FRMPD4: variants seen among roughly 807,000 people sequenced by gnomAD.
FRMPD4 encodes the protein FERM and PDZ domain containing 4.
FRMPD4 carries 22 observed loss-of-function variants against 94.1 expected under a neutral mutation model. The ratio of observed to expected loss-of-function variants is 0.23; its 90% CI spans 0.17 to 0.33. The LOEUF is 0.33. Ranked by LOEUF, FRMPD4 falls within the 10% of genes least tolerant of loss-of-function variation. The pLI is 1.00. For synonymous variants in FRMPD4, 631 were observed against 548.6 expected (o/e 1.15, Z -2.10); for missense variants, 1,111 against 1,339.9 (o/e 0.83, Z 2.67).
chrX:12,330,325 A>G (rs1471359299), intron 1 of FRMPD4, among the ~76,000 whole-genome samples: 3 of 110,151 alleles, frequency 2.7e-5, no homozygotes, highest in Non-Finnish European at 5.7e-5. Flanking sequence ...AAGTAAGAGC[A>G]CCCTTTTATA....
At chrX:11,853,456 A>G (rs759326472) in intron 1 of FRMPD4, among the ~76,000 whole-genome samples, 1 of 111,002 alleles carries the variant, frequency 9.0e-6, no homozygotes, top group Non-Finnish European at 1.9e-5. Flanking sequence ...CCATTTTTTT[A>G]AAAAAAATTA....
At chrX:12,193,910 G>C (rs969738232) in intron 1 of FRMPD4, among the ~76,000 whole-genome samples, 2 of 107,531 alleles carry the variant, frequency 1.9e-5, no homozygotes, top group African/African-American at 6.8e-5. Context: ...CAAGGCAAGA[G>C]ATTGAAAAAC....
chrX:12,703,673 C>T (rs1310816311), intron 10 of FRMPD4, among the ~76,000 whole-genome samples: 2 of 111,951 alleles, frequency 1.8e-5, no homozygotes. Context: ...GTGAAATTGG[C>T]TCTTTGTAAA....
intron 1 of FRMPD4, among the ~76,000 whole-genome samples, chrX:12,363,594 C>T (rs961030297): frequency 8.9e-6 from 1 of 112,502 alleles, no homozygotes; most frequent in African/African-American, 3.2e-5. Context: ...ACCAGGCCAG[C>T]CACTCTTCAT....
At chrX:11,944,966 G>A (rs973311788) in intron 3 of FRMPD4, among the ~76,000 whole-genome samples, 1 of 112,157 alleles carries the variant, frequency 8.9e-6, no homozygotes, top group African/African-American at 3.2e-5. Flanking sequence ...TGTTATAGAA[G>A]CAACAGCTTT....
chrX:12,013,613 G>A (rs1179555651), intron 3 of FRMPD4, among the ~76,000 whole-genome samples: 1 of 112,857 alleles, frequency 8.9e-6, no homozygotes, highest in African/African-American at 3.2e-5. Flanking sequence ...TTCCCCTTCC[G>A]GAGACATTTA....
intron 2 of FRMPD4, among the ~76,000 whole-genome samples, chrX:11,870,730 A>G (rs948577421): frequency 3.6e-5 from 4 of 111,717 alleles, no homozygotes; most frequent in Admixed American, 2.8e-4. Context: ...TCACTCTTCA[A>G]TTGTGACCCA....
intron 1 of FRMPD4, among the ~76,000 whole-genome samples, chrX:12,140,443 A>G (rs907790652): frequency 1.8e-5 from 2 of 112,080 alleles, no homozygotes; most frequent in African/African-American, 6.5e-5. Flanking sequence ...TATTCTATTA[A>G]CTTCCTGCAT....
At chrX:12,445,858 G>C (rs1448011784) in intron 1 of FRMPD4, among the ~76,000 whole-genome samples, 1 of 113,112 alleles carries the variant, frequency 8.8e-6, no homozygotes, top group Non-Finnish European at 1.9e-5. Flanking sequence ...ACAGCCATGA[G>C]CCAGTTCAAC....
At chrX:11,986,738 C>G (rs986670607) in intron 3 of FRMPD4, among the ~76,000 whole-genome samples, 1 of 110,898 alleles carries the variant, frequency 9.0e-6, no homozygotes, top group African/African-American at 3.3e-5. Context: ...GGAGACATTA[C>G]AACTGATACT....
At chrX:12,122,142 T>C (rs982487370) in intron 3 of FRMPD4, among the ~76,000 whole-genome samples, 2 of 112,041 alleles carry the variant, frequency 1.8e-5, no homozygotes, top group African/African-American at 3.2e-5. Flanking sequence ...CACAAACATA[T>C]GTACTCTGGC....
At position 11,951,909 on chromosome X, in the gene FRMPD4, A is replaced by C. The variant is rs746540648; in HGVS notation, c.95+73891A>C. On this transcript the variant is annotated intron_variant, in intron 3 of 18. Transcript: ENST00000640291. Reference sequence around the variant, plus strand: ...AAATTAGCCTGGTGTGGTGGCACACACCTGTGGTTCCAACTACTCAGGAGG... The same window carrying C: ...AAATTAGCCTGGTGTGGTGGCACACCCCTGTGGTTCCAACTACTCAGGAGG... Among the ~76,000 whole-genome samples, 3 of 111,730 alleles carry C rather than the reference A, an allele frequency of 2.7e-5. No homozygotes were observed. In the East Asian group the frequency reaches 8.5e-4, roughly 32 times the overall value.
intron 1 of FRMPD4, among the ~76,000 whole-genome samples, chrX:12,345,131 AGGAT>A (rs372484963): frequency 0.24 from 23,051 of 97,417 alleles, 2,618 homozygotes; most frequent in Non-Finnish European, 0.3. Flanking sequence ...GACAAATGAA[AGGAT>A]GGATGGATGG....
Position 12,716,084 on chromosome X carries a change from G to C in FRMPD4, c.1625G>C (p.Gly542Ala). Residue 542 changes from glycine (G) to alanine (A), a missense_variant, in exon 15 of 17, where the codon GGG becomes GCG. This residue lies in a region of FRMPD4 where 192 missense variants were observed against 192.5 expected (regional missense o/e 1.00). Transcript: ENST00000675598. ...ATQETGPENK[G>A]KHNLLGPDWN... is the part of the protein sequence containing the mutation. ...TTCTCTTTAGGACCTGAAAACAAGG[G>C]GAAGCATAACCTCCTTGGCCCAGAT... 1 of 1,130,628 alleles carries C rather than the reference G, an allele frequency of 8.8e-7. No homozygotes were observed. Among genetic ancestry groups the C allele is most frequent in the Non-Finnish European group, 1.2e-6 (1 of 844,096 alleles). 93.2% of individuals were successfully genotyped at this position (1,130,628 alleles called of 1,213,427 possible). A position where few individuals can be genotyped will look rare whatever the true frequency, so the allele number is the denominator to read the frequency against.
chrX:12,528,343 CAG>C (rs1458878956), intron 2 of FRMPD4, among the ~76,000 whole-genome samples: 4 of 82,183 alleles, frequency 4.9e-5, no homozygotes, highest in African/African-American at 2.0e-4. Context: ...TTTTTGGAGA[CAG>C]AGTCTTGCTG....
intron 3 of FRMPD4, among the ~76,000 whole-genome samples, chrX:12,070,704 A>G (rs912498418): frequency 8.9e-6 from 1 of 112,243 alleles, no homozygotes; most frequent in Non-Finnish European, 1.9e-5. Context: ...GGGAAAAAAA[A>G]TAGTTCCAAT....
At position 12,138,611 on chromosome X, in the gene FRMPD4, G is replaced by A. The variant is rs1222713111; in HGVS notation, c.-361G>A. On this transcript the variant is annotated 5_prime_UTR_variant, in exon 1 of 17. Coordinates refer to ENST00000675598, the MANE Select transcript of FRMPD4 (RefSeq NM_001368397.1). ...GAGCAGCGCCTCTCGCCCAGGCCTC[G>A]CTTTCTCTGGACGCCCGGCAGTCCC... 1.4e-5 allele frequency: 4 copies of A among 284,015 alleles called. No individual in the cohort carries two copies. The highest frequency in any genetic ancestry group is 1.9e-5 in the Non-Finnish European group (3 of 161,855). 23.4% of individuals were successfully genotyped at this position (284,015 alleles called of 1,213,427 possible). A position where few individuals can be genotyped will look rare whatever the true frequency, so the allele number is the denominator to read the frequency against.
chrX:12,172,625 A>G (rs1754682195), intron 1 of FRMPD4, among the ~76,000 whole-genome samples: 2 of 111,624 alleles, frequency 1.8e-5, no homozygotes, highest in African/African-American at 6.5e-5. Context: ...TGCTGTTCCA[A>G]GGACCACACT....
chrX:12,325,164 T>G (rs1356693417), intron 1 of FRMPD4, among the ~76,000 whole-genome samples: 3 of 112,737 alleles, frequency 2.7e-5, no homozygotes, highest in African/African-American at 9.6e-5. Flanking sequence ...TTTTAATTTT[T>G]TTGTATTAGA....
Sources: allele counts gnomAD v4.1 joint callset (sites outside exome capture counted in the v4.1 genomes callset), GRCh38; gene constraint gnomAD v4.1.1; regional missense constraint gnomAD v4.1.1; transcripts MANE v1.5; gene names NCBI Gene and HGNC (gene_info 2026-07-23, HGNC 2026-07-21).